Variants in ZNF519 observed in about 807,000 individuals in gnomAD.
ZNF519 encodes the protein zinc finger protein 519, also known as similar to Zinc finger protein 85 (Zinc finger protein HPF4) (HTF1).
ZNF519 carries 7 observed loss-of-function variants against 7.4 expected under a neutral mutation model. That is an observed-to-expected ratio of 0.94 (90% CI 0.54 to 1.77). The LOEUF (loss-of-function observed/expected upper bound fraction) is 1.77. ZNF519 is among the 40% of genes most tolerant of loss of function. The pLI is 0.00. For synonymous variants in ZNF519, 179 were observed against 203.3 expected (o/e 0.88, Z 1.02); for missense variants, 586 against 623.1 (o/e 0.94, Z 0.63).
rs1301742354 is a variant in ZNF519, at chr18:14,102,383, A to C, written c.*2534T>G. ...AGGGTTTTACTAAGTTGGCTAGGCT[A>C]GTCTCGAACTCCTGACCTCAGGTGA... On this transcript the variant is annotated 3_prime_UTR_variant, in exon 3 of 3. Coordinates refer to ENST00000590202, the MANE Select transcript of ZNF519 (RefSeq NM_145287.4). The C allele has an allele frequency of 6.6e-6, 1 of 152,066 alleles. No homozygotes were observed. The highest frequency in any genetic ancestry group is 1.5e-5 in the Non-Finnish European group (1 of 68,012). 9.4% of individuals were successfully genotyped at this position (152,066 alleles called of 1,614,324 possible).
intron 3 of ZNF519, chr18:14,082,314 T>C (rs1408055210): frequency 3.3e-5 from 5 of 152,176 alleles, no homozygotes; most frequent in African/African-American, 1.2e-4. Context: ...ATGAAATGTT[T>C]GCAAACAGAA....
chr18:14,115,225 TC>T (rs1280694900), intron 2 of ZNF519, among the ~76,000 whole-genome samples: 2 of 152,202 alleles, frequency 1.3e-5, no homozygotes, highest in Non-Finnish European at 2.9e-5. Flanking sequence ...CAGGAGAAAC[TC>T]CCAACTCTAT....
intron 1 of ZNF519, among the ~76,000 whole-genome samples, chr18:14,130,584 T>C (rs1410674198): frequency 6.6e-6 from 1 of 151,954 alleles, no homozygotes; most frequent in Non-Finnish European, 1.5e-5. Flanking sequence ...TGGGACTTTC[T>C]ATCACCCCCA....
chr18:14,099,549 A>C (rs528936667), downstream of ZNF519, among the ~76,000 whole-genome samples: 3 of 152,336 alleles, frequency 2.0e-5, no homozygotes, highest in Admixed American at 1.3e-4. Context: ...CTGGTTTATA[A>C]ATAAGTGCTC....
chr18:14,109,737 T>C (rs1247992640), intron 2 of ZNF519, among the ~76,000 whole-genome samples: 7 of 152,082 alleles, frequency 4.6e-5, no homozygotes, highest in Admixed American at 1.3e-4. Flanking sequence ...TAAAAGTGTC[T>C]ACATAAAAAA....
intron 2 of ZNF519, chr18:14,122,595 G>A (rs1368917311): frequency 6.6e-6 from 1 of 151,922 alleles, no homozygotes. Flanking sequence ...TAAACTTGAA[G>A]GGAGATCACT....
At chr18:14,124,265 C>A in intron 2 of ZNF519, 85 bp downstream of exon 2, 2 of 1,268,682 alleles carry the variant, frequency 1.6e-6, no homozygotes, top group Non-Finnish European at 2.1e-6. Flanking sequence ...TCATGCAAAG[C>A]AGAAGCTCTC....
chr18:14,124,469 A>G lies in ZNF519; in HGVS notation c.11T>C (p.Leu4Ser), dbSNP rs775768843. The stretch of plus-strand genomic sequence containing the variant: ...TTCTATGGCCACATCCCTGAATGTT[A>G]AGAGTTCCTGGAAACACATATATCA... MEL[L>S]TFRDVAIEFS... Residue 4 changes from leucine (L) to serine (S), a missense_variant, in exon 2 of 3, where the codon TTA becomes TCA. Transcript: ENST00000590202. 1 of 1,609,808 alleles carries G rather than the reference A, an allele frequency of 6.2e-7. No individual in the cohort carries two copies. Among genetic ancestry groups the G allele is most frequent in the Non-Finnish European group, 8.5e-7 (1 of 1,179,068 alleles).
chr18:14,079,270 TA>T (rs1567937146), intron 3 of ZNF519, among the ~76,000 whole-genome samples: 1 of 152,144 alleles, frequency 6.6e-6, no homozygotes, highest in Non-Finnish European at 1.5e-5. Context: ...ACAGAAGAAC[TA>T]AACAAATGAA....
chr18:14,078,371 T>C (rs542355962), intron 3 of ZNF519: 4 of 152,176 alleles, frequency 2.6e-5, no homozygotes, highest in Admixed American at 6.5e-5. Flanking sequence ...ACATTATATA[T>C]ATTCTAAGAA....
In ZNF519 at chr18:14,104,931, T is replaced by A; in HGVS notation, c.1609A>T (p.Ile537Phe). 6.4e-7 allele frequency: 1 copy of A among 1,550,388 alleles called. No individual in the cohort carries two copies. Among genetic ancestry groups the A allele is most frequent in the Non-Finnish European group, 8.7e-7 (1 of 1,152,712 alleles). ...TTGCAGGGTTTCTACCTGGTATGAA[T>A]TATTTGATGTTGAGTAAGGGTTGAG... Reference protein sequence around the residue: ...RRSTLTQHQIIHTR With the variant: ...RRSTLTQHQIFHTR The change falls in exon 3 of 3, where the codon ATT (isoleucine) becomes TTT (phenylalanine). Residue 537 changes from isoleucine (I) to phenylalanine (F), a missense_variant. By Grantham distance (21) the Ile-to-Phe change is conservative. Transcript: ENST00000590202.
rs959993295 is a variant in ZNF519 at position 14,089,147 on chromosome 18, A to G, written c.131-4071T>C. 9.6e-4 allele frequency among the ~76,000 whole-genome samples: 147 copies of G among 152,336 alleles called. 1 individual carries two copies. The highest frequency in any genetic ancestry group is 3.5e-3 in the African/African-American group (144 of 41,574). On this transcript the variant is annotated intron_variant and NMD_transcript_variant, in intron 2 of 4. Coordinates refer to the ZNF519 transcript ENST00000587419. Reference sequence around the variant, plus strand: ...AAATGAATTAATAAAGTTTTGGTCTAAAATGACTAGGTAATATATGTAGCT... The same window carrying G: ...AAATGAATTAATAAAGTTTTGGTCTGAAATGACTAGGTAATATATGTAGCT...
rs892562103 is a variant in ZNF519 at position 14,100,990 on chromosome 18, A to G, written c.*3927T>C. 1.3e-5 allele frequency: 2 copies of G among 152,216 alleles called. No individual in the cohort carries two copies. Among genetic ancestry groups the G allele is most frequent in the African/African-American group, 2.4e-5 (1 of 41,450 alleles). The allele number at this position is 152,216 out of a possible 1,614,324, so 9.4% of individuals were successfully genotyped here. A position where few individuals can be genotyped will look rare whatever the true frequency, so the allele number is the denominator to read the frequency against. ...GTACTTTCCATAGCTTATCTCATTTAGTTCTTGAAACAATCATATCATGTT... is the reference window on the plus strand; with the variant it reads ...GTACTTTCCATAGCTTATCTCATTTGGTTCTTGAAACAATCATATCATGTT... On this transcript the variant is annotated 3_prime_UTR_variant, in exon 3 of 3. Coordinates refer to ENST00000590202, the MANE Select transcript of ZNF519 (RefSeq NM_145287.4).
chr18:14,119,614 A>C (rs536409352), intron 2 of ZNF519, among the ~76,000 whole-genome samples: 8 of 152,276 alleles, frequency 5.3e-5, no homozygotes, highest in African/African-American at 1.7e-4. Flanking sequence ...AGGATAATCA[A>C]CATACAAATA....
intron 3 of ZNF519, chr18:14,084,425 GA>G (rs2046081932): frequency 6.6e-6 from 1 of 152,204 alleles, no homozygotes; most frequent in African/African-American, 2.4e-5. Context: ...TCAGGGAAAA[GA>G]AACTCCTACA....
intron 2 of ZNF519, among the ~76,000 whole-genome samples, chr18:14,110,226 C>CT (rs2046213375): frequency 6.6e-6 from 1 of 152,052 alleles, no homozygotes; most frequent in African/African-American, 2.4e-5. Context: ...AATCTAAGGC[C>CT]TGAAAGCATA....
At chr18:14,119,283 A>G (rs1192903239) in intron 2 of ZNF519, among the ~76,000 whole-genome samples, 2 of 152,238 alleles carry the variant, frequency 1.3e-5, no homozygotes, top group Non-Finnish European at 2.9e-5. Context: ...AAAACAGTTT[A>G]CAGAAACTGT....
At chr18:14,097,923 G>A (rs2046143711), downstream of ZNF519, among the ~76,000 whole-genome samples, 1 of 152,156 alleles carries the variant, frequency 6.6e-6, no homozygotes, top group Non-Finnish European at 1.5e-5. Flanking sequence ...TGCGAGGTGA[G>A]TAACAAACAC....
chr18:14,132,364 C>A lies in ZNF519; in HGVS notation c.-87G>T, dbSNP rs2046335438. 9 of 1,530,296 alleles carry A rather than the reference C, an allele frequency of 5.9e-6. No homozygotes were observed. Among genetic ancestry groups the A allele is most frequent in the Non-Finnish European group, 8.1e-6 (9 of 1,106,644 alleles). The allele number at this position is 1,530,296 out of a possible 1,614,324, so 94.8% of individuals were successfully genotyped here. Reference sequence around the variant, plus strand: ...AGAGCGACGGAGTGAGTGGCAGAATCACCGAAGTCTCCCGGAGCAGAGGAC... The same window carrying A: ...AGAGCGACGGAGTGAGTGGCAGAATAACCGAAGTCTCCCGGAGCAGAGGAC... On this transcript the variant is annotated 5_prime_UTR_variant, in exon 1 of 3. Coordinates refer to ENST00000590202, the MANE Select transcript of ZNF519 (RefSeq NM_145287.4).
Sources: gnomAD v4.1 joint callset for allele counts (sites outside exome capture counted in the v4.1 genomes callset) on GRCh38, gnomAD v4.1.1 for gene constraint, MANE v1.5 for transcripts, NCBI Gene and HGNC (gene_info 2026-07-23, HGNC 2026-07-21) for gene names.